The following DGKB variants were observed in gnomAD, a reference collection of about 807,000 sequenced individuals.
DGKB encodes the protein diacylglycerol kinase beta, also known as 90 kDa diacylglycerol kinase.
Under a neutral mutation model 114.3 loss-of-function variants are expected in DGKB, and 67 were observed. The observed-to-expected ratio is 0.59, with a 90% CI of 0.48 to 0.72. The LOEUF (loss-of-function observed/expected upper bound fraction) is 0.72, where lower values mean the gene tolerates loss of function less well. DGKB is among the 30% of genes least tolerant of loss of function. The pLI is 0.00. For missense variants in DGKB, 907 were observed against 975.2 expected, an observed-to-expected ratio of 0.93 and a Z score of 0.93; for synonymous variants, 398 against 323.1, an observed-to-expected ratio of 1.23 and a Z score of -2.49.
At chr7:14,378,602 T>C (rs1234280163) in intron 21 of DGKB, among the ~76,000 whole-genome samples, 1 of 152,132 alleles carries the variant, frequency 6.6e-6, no homozygotes, top group Non-Finnish European at 1.5e-5. Context: ...TTGTAGAGGA[T>C]AGAAAATGAT....
At chr7:14,343,986 A>G (rs1262251961) in intron 22 of DGKB, among the ~76,000 whole-genome samples, 1 of 147,830 alleles carries the variant, frequency 6.8e-6, no homozygotes, top group African/African-American at 2.5e-5. Flanking sequence ...GATGTCATAT[A>G]TTATTATATA....
chr7:14,553,398 AT>A (rs1177695179), intron 20 of DGKB, among the ~76,000 whole-genome samples: 1 of 152,218 alleles, frequency 6.6e-6, no homozygotes, highest in African/African-American at 2.4e-5. Flanking sequence ...TCTGAAGAGT[AT>A]CCAGCACATA....
intron 2 of DGKB, among the ~76,000 whole-genome samples, chr7:14,760,654 G>C (rs983284627): frequency 6.6e-6 from 1 of 151,742 alleles, no homozygotes; most frequent in Non-Finnish European, 1.5e-5. Context: ...ATCATATCTC[G>C]AGAGACTATG....
At chr7:14,519,018 C>A (rs1378925989) in intron 20 of DGKB, among the ~76,000 whole-genome samples, 1 of 151,964 alleles carries the variant, frequency 6.6e-6, no homozygotes, top group East Asian at 1.9e-4. Flanking sequence ...TTGAAAAACC[C>A]TACACACGGA....
intron 4 of DGKB, among the ~76,000 whole-genome samples, chr7:14,748,346 T>C (rs1833658475): frequency 6.6e-6 from 1 of 152,244 alleles, no homozygotes; most frequent in South Asian, 2.1e-4. Context: ...TGGGGGAATG[T>C]GCTTGCAGTT....
chr7:14,728,799 C>T (rs1475169540), intron 5 of DGKB, among the ~76,000 whole-genome samples: 2 of 151,044 alleles, frequency 1.3e-5, no homozygotes, highest in Admixed American at 6.6e-5. Flanking sequence ...GCCTCCCAGG[C>T]TCAAGCAATT....
At chr7:14,879,474 G>C (rs1853880541) in intron 1 of DGKB, among the ~76,000 whole-genome samples, 1 of 152,094 alleles carries the variant, frequency 6.6e-6, no homozygotes, top group Admixed American at 6.5e-5. Context: ...TATCTTGTCA[G>C]GCTCTCTTAA....
chr7:14,939,115 T>A (rs1159414750), intron 1 of DGKB, among the ~76,000 whole-genome samples: 3 of 152,212 alleles, frequency 2.0e-5, no homozygotes, highest in Non-Finnish European at 1.5e-5. Flanking sequence ...TAATATCATG[T>A]TACCTGTGGT....
At chr7:14,841,940 G>T (rs1847991196) in intron 1 of DGKB, among the ~76,000 whole-genome samples, 1 of 152,080 alleles carries the variant, frequency 6.6e-6, no homozygotes. Context: ...CAAAAGATTG[G>T]CCAAATTAAA....
chr7:14,162,410 A>G (rs1450424338), intron 25 of DGKB, among the ~76,000 whole-genome samples: 2 of 152,222 alleles, frequency 1.3e-5, no homozygotes, highest in African/African-American at 4.8e-5. Context: ...TGATAAGTAC[A>G]TACAGTTTTA....
chr7:14,283,264 T>G (rs955085741), intron 23 of DGKB, among the ~76,000 whole-genome samples: 6 of 151,286 alleles, frequency 4.0e-5, no homozygotes, highest in Non-Finnish European at 7.4e-5. Flanking sequence ...CCATTCACAA[T>G]TGCTTTAAAG....
intron 21 of DGKB, among the ~76,000 whole-genome samples, chr7:14,460,492 T>C (rs930247849): frequency 6.7e-6 from 1 of 149,506 alleles, no homozygotes; most frequent in African/African-American, 2.5e-5. Context: ...TCAACAAAGA[T>C]AAAAAAAGAC....
intron 1 of DGKB, among the ~76,000 whole-genome samples, chr7:14,969,623 G>A (rs1251029516): frequency 2.6e-5 from 4 of 152,068 alleles, no homozygotes; most frequent in African/African-American, 9.7e-5. Context: ...AGCATGCGAG[G>A]GATCTACGTT....
chr7:14,216,177 CAAG>C (rs1216205610), intron 23 of DGKB, among the ~76,000 whole-genome samples: 4 of 151,868 alleles, frequency 2.6e-5, no homozygotes, highest in Non-Finnish European at 5.9e-5. Flanking sequence ...TGAAATAGAA[CAAG>C]AAGAAGAAAT....
At chr7:14,811,196 C>T (rs10487780) in intron 2 of DGKB, among the ~76,000 whole-genome samples, 34,336 of 152,024 alleles carry the variant, frequency 0.23, 4,839 homozygotes, top group Non-Finnish European at 0.32. Flanking sequence ...AGCATAATCC[C>T]TGTAAAAAAT....
intron 2 of DGKB, among the ~76,000 whole-genome samples, chr7:14,801,919 T>TAC (rs1384121588): frequency 1.6e-5 from 2 of 126,448 alleles, no homozygotes; most frequent in African/African-American, 4.0e-5. Context: ...CACACATATA[T>TAC]ACATATACAC....
chr7:14,663,692 C>T, intron 13 of DGKB, among the ~76,000 whole-genome samples: 1 of 147,414 alleles, frequency 6.8e-6, no homozygotes, highest in Non-Finnish European at 1.5e-5. Flanking sequence ...CACTCCCCTC[C>T]CTTCCCTCAC....
At chr7:14,199,767 T>C (rs190997432) in intron 23 of DGKB, among the ~76,000 whole-genome samples, 5 of 152,232 alleles carry the variant, frequency 3.3e-5, no homozygotes, top group Non-Finnish European at 5.9e-5. Flanking sequence ...ACTATGTTAT[T>C]GCTTTAAGAT....
chr7:14,463,406 C>G (rs1833383060), intron 21 of DGKB, among the ~76,000 whole-genome samples: 1 of 152,150 alleles, frequency 6.6e-6, no homozygotes, highest in Non-Finnish European at 1.5e-5. Flanking sequence ...TGTAAAACTT[C>G]TCTTTATCTT....
Sources: allele counts gnomAD v4.1 joint callset (sites outside exome capture counted in the v4.1 genomes callset), GRCh38; gene constraint gnomAD v4.1.1; transcripts MANE v1.5; gene names NCBI Gene and HGNC (gene_info 2026-07-23, HGNC 2026-07-21).